FHIT: variants seen among roughly 807,000 people sequenced by gnomAD.
FHIT encodes the protein bis(5'-adenosyl)-triphosphatase.
Under a neutral mutation model 17.9 loss-of-function variants are expected in FHIT, and 19 were observed. The observed-to-expected ratio is 1.06, with a 90% CI of 0.74 to 1.56. The LOEUF is 1.56. Among genes scored for constraint, FHIT ranks in the 40% most tolerant of loss-of-function variants. The pLI, the probability that FHIT is intolerant of heterozygous loss-of-function variation, is 0.00. For missense variants in FHIT, 248 were observed against 189.2 expected (o/e 1.31, Z -1.82); for synonymous variants, 81 against 69.7 (o/e 1.16, Z -0.81).
At chr3:59,841,651 G>C (rs1004431196) in intron 8 of FHIT, among the ~76,000 whole-genome samples, 2 of 152,004 alleles carry the variant, frequency 1.3e-5, no homozygotes, top group Non-Finnish European at 2.9e-5. Context: ...TTGTACTCCA[G>C]AGTCCATCTC....
intron 3 of FHIT, among the ~76,000 whole-genome samples, chr3:60,947,595 G>T (rs1345379688): frequency 6.6e-6 from 1 of 152,176 alleles, no homozygotes; most frequent in Non-Finnish European, 1.5e-5. Flanking sequence ...TCTACAATTT[G>T]CGGCTTAACA....
chr3:60,555,491 T>C (rs1449246607), intron 4 of FHIT, among the ~76,000 whole-genome samples: 3 of 152,206 alleles, frequency 2.0e-5, no homozygotes, highest in African/African-American at 7.2e-5. Flanking sequence ...TCAAGGTAAT[T>C]TTGCTTTTTC....
intron 5 of FHIT, among the ~76,000 whole-genome samples, chr3:60,028,515 T>C (rs946339234): frequency 1.3e-5 from 2 of 152,180 alleles, no homozygotes; most frequent in Non-Finnish European, 2.9e-5. Flanking sequence ...GCCAGCAAAG[T>C]ATGTAGTTTT....
At position 60,045,853 on chromosome 3, in the gene FHIT, G is replaced by A. The variant is rs528968265; in HGVS notation, c.104-31701C>T. 1.1e-4 allele frequency among the ~76,000 whole-genome samples: 17 copies of A among 152,292 alleles called. No individual in the cohort carries two copies. The East Asian group carries it at 1.4e-3, about 12-fold the overall frequency. ...AGGAGGAACACCTGGAGGAGAGCACGCTTGGAAAGGCATGGTGAGTTTCAT... is the reference window on the plus strand; with the variant it reads ...AGGAGGAACACCTGGAGGAGAGCACACTTGGAAAGGCATGGTGAGTTTCAT... On this transcript the variant is annotated intron_variant, in intron 5 of 9. Transcript: ENST00000492590.
intron 3 of FHIT, among the ~76,000 whole-genome samples, chr3:61,039,210 G>T (rs762916922): frequency 6.6e-5 from 10 of 152,042 alleles, no homozygotes; most frequent in Non-Finnish European, 1.3e-4. Context: ...AAATGCTCAG[G>T]TTAGCTCCTA....
At chr3:60,235,037 C>A (rs963493230) in intron 5 of FHIT, among the ~76,000 whole-genome samples, 1 of 152,056 alleles carries the variant, frequency 6.6e-6, no homozygotes, top group Non-Finnish European at 1.5e-5. Flanking sequence ...CAAGGTGTAA[C>A]TTCTCAACGT....
intron 4 of FHIT, among the ~76,000 whole-genome samples, chr3:60,654,363 T>C (rs781802973): frequency 6.6e-6 from 1 of 152,038 alleles, no homozygotes; most frequent in Non-Finnish European, 1.5e-5. Context: ...AAACAGTGAC[T>C]CCAACCCTGG....
At position 59,978,097 on chromosome 3, in the gene FHIT, G is replaced by A. The variant is rs189147484; in HGVS notation, c.279+33274C>T. Among the ~76,000 whole-genome samples the A allele has an allele frequency of 3.2e-3, 493 of 152,202 alleles. 1 individual carries two copies. Among genetic ancestry groups the A allele is most frequent in the Non-Finnish European group, 4.5e-3 (304 of 67,986 alleles). On this transcript the variant is annotated intron_variant, in intron 7 of 9. Transcript: ENST00000492590. ...GTTCATCCTCATAATAAACCTGTGG[G>A]TAAGTATTATTGCTAATTTCAGTTT...
intron 7 of FHIT, among the ~76,000 whole-genome samples, chr3:59,965,958 C>T (rs147438233): frequency 9.9e-4 from 151 of 152,144 alleles, no homozygotes; most frequent in African/African-American, 3.4e-3. Context: ...AGTATGTCAC[C>T]GTCTTAAAGG....
chr3:60,668,625 G>T (rs184012645), intron 4 of FHIT, among the ~76,000 whole-genome samples: 11 of 138,062 alleles, frequency 8.0e-5, no homozygotes, highest in African/African-American at 2.8e-4. Context: ...GCAGTGGCAC[G>T]ATCGCTTCTC....
In FHIT at chr3:60,860,441, GTATATATGATACATATGTACATATATAT is replaced by G. The variant is rs1559779101; in HGVS notation, c.-110-38458_-110-38431del. On this transcript the variant is annotated intron_variant, in intron 3 of 9. Coordinates refer to ENST00000492590, the MANE Select transcript of FHIT (RefSeq NM_002012.4). ...TGTATATATGATACATATATATCATGTATATATGATACATATGTACATATATATGTATATATGATACATATGTATCATA... is the reference window on the plus strand; with the variant it reads ...TGTATATATGATACATATATATCATGGTATATATGATACATATGTATCATA... 7.3e-4 allele frequency among the ~76,000 whole-genome samples: 89 copies of G among 121,658 alleles called. 1 individual carries two copies. The highest frequency in any genetic ancestry group is 2.7e-3 in the African/African-American group (85 of 32,072). The allele number at this position is 121,658 out of a possible 152,430, so 79.8% of individuals were successfully genotyped here. A position where few individuals can be genotyped will look rare whatever the true frequency, so the allele number is the denominator to read the frequency against.
chr3:60,248,654 C>CA (rs1311077450), intron 5 of FHIT, among the ~76,000 whole-genome samples: 2 of 151,880 alleles, frequency 1.3e-5, no homozygotes, highest in African/African-American at 4.8e-5. Flanking sequence ...GATAGGGTGC[C>CA]AAAAAACATT....
At chr3:59,986,209 A>T (rs2107451713) in intron 7 of FHIT, among the ~76,000 whole-genome samples, 1 of 152,104 alleles carries the variant, frequency 6.6e-6, no homozygotes, top group Admixed American at 6.6e-5. Flanking sequence ...TCCAAAAACA[A>T]GGAAAGAAGA....
chr3:59,957,522 T>C (rs752588432), intron 7 of FHIT, among the ~76,000 whole-genome samples: 2 of 152,234 alleles, frequency 1.3e-5, no homozygotes, highest in Non-Finnish European at 2.9e-5. Context: ...GATGAGTGAA[T>C]GGATGAATGT....
chr3:59,786,717 G>A (rs2106907321), intron 8 of FHIT, among the ~76,000 whole-genome samples: 1 of 152,308 alleles, frequency 6.6e-6, no homozygotes, highest in South Asian at 2.1e-4. Flanking sequence ...TGGAAACTAT[G>A]GAGATTATGC....
At chr3:60,927,174 A>G (rs1707668581) in intron 3 of FHIT, among the ~76,000 whole-genome samples, 1 of 151,984 alleles carries the variant, frequency 6.6e-6, no homozygotes, top group African/African-American at 2.4e-5. Flanking sequence ...TGGTTTTTGT[A>G]TTTTTTGGTG....
chr3:60,209,317 G>A (rs1355054895), intron 5 of FHIT, among the ~76,000 whole-genome samples: 2 of 152,140 alleles, frequency 1.3e-5, no homozygotes, highest in Non-Finnish European at 1.5e-5. Context: ...GCTATATTAC[G>A]TCTAGGCACT....
chr3:61,214,303 A>G (rs146388834), intron 1 of FHIT, among the ~76,000 whole-genome samples: 2,857 of 152,356 alleles, frequency 0.019, 83 homozygotes, highest in African/African-American at 0.065. Flanking sequence ...AAATAGACGC[A>G]GTAAAAAATG....
At chr3:60,363,191 A>G (rs1174331949) in intron 5 of FHIT, among the ~76,000 whole-genome samples, 2 of 152,184 alleles carry the variant, frequency 1.3e-5, no homozygotes, top group African/African-American at 2.4e-5. Flanking sequence ...GCTCCTATCC[A>G]GGTCGGCAAC....
Sources: allele counts gnomAD v4.1 joint callset (sites outside exome capture counted in the v4.1 genomes callset), GRCh38; gene constraint gnomAD v4.1.1; transcripts MANE v1.5; gene names NCBI Gene and HGNC (gene_info 2026-07-23, HGNC 2026-07-21).